TTR: variants seen among roughly 807,000 people sequenced by gnomAD.
TTR encodes the protein transthyretin, also known as epididymis luminal protein 111.
TTR carries 8 observed loss-of-function variants against 13.7 expected under a neutral mutation model. The observed-to-expected ratio is 0.58, with a 90% CI of 0.34 to 1.05. The LOEUF (loss-of-function observed/expected upper bound fraction) is 1.05. TTR is among the 50% of genes least tolerant of loss of function. TTR has a pLI of 0.02. For missense variants in TTR, 135 were observed against 185.5 expected, an observed-to-expected ratio of 0.73 and a Z score of 1.58; for synonymous variants, 75 against 71.7, an observed-to-expected ratio of 1.05 and a Z score of -0.23.
Position 31,595,398 on chromosome 18 carries a change from A to C in TTR, c.336+143A>C, listed in dbSNP as rs781638553. ...CCAAAGGTTCCCTTTCCTATTATACAAGAAAAAATTCACAACACTCTGAGA... is the reference window on the plus strand; with the variant it reads ...CCAAAGGTTCCCTTTCCTATTATACCAGAAAAAATTCACAACACTCTGAGA... On this transcript the variant is annotated intron_variant, in intron 3 of 3. Coordinates refer to ENST00000237014, the MANE Select transcript of TTR (RefSeq NM_000371.4). The C allele has an allele frequency of 1.2e-5, 15 of 1,202,958 alleles. No individual in the cohort carries two copies. In the South Asian group the frequency reaches 1.8e-4, roughly 15 times the overall value. 74.5% of individuals were successfully genotyped at this position (1,202,958 alleles called of 1,614,324 possible).
At chr18:31,594,725 A>G (rs1598844894) in intron 2 of TTR, among the ~76,000 whole-genome samples, 1 of 152,122 alleles carries the variant, frequency 6.6e-6, no homozygotes, top group Non-Finnish European at 1.5e-5. Context: ...TTAGCCAGGC[A>G]TGGTGGCAGG....
chr18:31,595,943 A>T (rs1236297832), intron 3 of TTR: 1 of 166,418 alleles, frequency 6.0e-6, no homozygotes, highest in Non-Finnish European at 1.3e-5. Context: ...AATGTTTACA[A>T]TTAAGGCCCA....
At chr18:31,592,455 A>G (rs945580706) in intron 1 of TTR, among the ~76,000 whole-genome samples, 1 of 152,224 alleles carries the variant, frequency 6.6e-6, no homozygotes, top group African/African-American at 2.4e-5. Context: ...AACTAATACT[A>G]TAAAATGGGT....
intron 3 of TTR, 98 bp downstream of exon 3, chr18:31,595,353 C>T: frequency 3.9e-6 from 6 of 1,532,864 alleles, no homozygotes; most frequent in Non-Finnish European, 5.4e-6. Context: ...CAGAAATGTC[C>T]TAAGGAAGGT....
intron 1 of TTR, among the ~76,000 whole-genome samples, 187 bp from the exon 2 acceptor site, chr18:31,592,709 T>G (rs2144406240): frequency 6.6e-6 from 1 of 152,344 alleles, no homozygotes; most frequent in Middle Eastern, 3.4e-3. Flanking sequence ...AAACCATTCT[T>G]GCTTTGGAAA....
intron 3 of TTR, among the ~76,000 whole-genome samples, chr18:31,597,753 C>T (rs2073523965): frequency 6.6e-6 from 1 of 152,226 alleles, no homozygotes; most frequent in South Asian, 2.1e-4. Context: ...ACTCTGAGAA[C>T]CAAGGCTGTC....
chr18:31,598,695 A>G lies in TTR; in HGVS notation c.*20A>G. 4.4e-6 allele frequency: 7 copies of G among 1,608,588 alleles called. No homozygotes were observed. Among genetic ancestry groups the G allele is most frequent in the Non-Finnish European group, 6.0e-6 (7 of 1,174,936 alleles). On this transcript the variant is annotated 3_prime_UTR_variant, in exon 4 of 4. Coordinates refer to ENST00000237014, the MANE Select transcript of TTR (RefSeq NM_000371.4). ...GAATGAGGGACTTCTCCTCCAGTGG[A>G]CCTGAAGGACGAGGGATGGGATTTC...
chr18:31,595,351 TC>T, intron 3 of TTR, 96 bp downstream of exon 3: 1 of 1,547,344 alleles, frequency 6.5e-7, no homozygotes, highest in Non-Finnish European at 8.9e-7. Context: ...CACAGAAATG[TC>T]CTAAGGAAGG....
chr18:31,598,614 C>T lies in TTR; in HGVS notation c.383C>T (p.Ala128Val), dbSNP rs1162409162. ...NDSGPRRYTI[A>V]ALLSPYSYST... ...TCCGGCCCCCGCCGCTACACCATTG[C>T]CGCCCTGCTGAGCCCCTACTCCTAT... Residue 128 changes from alanine (A) to valine (V), a missense_variant, in exon 4 of 4, where the codon GCC becomes GTC. Transcript: ENST00000237014. The T allele has an allele frequency of 6.2e-7, 1 of 1,614,098 alleles. No homozygotes were observed. The highest frequency in any genetic ancestry group is 1.7e-5 in the Admixed American group (1 of 60,008).
intron 3 of TTR, chr18:31,598,170 T>C (rs1011368142): frequency 2.9e-6 from 1 of 339,016 alleles, no homozygotes; most frequent in South Asian, 2.5e-5. Flanking sequence ...GAATGCTAAA[T>C]CTCTAAGTCT....
At chr18:31,598,443 GT>G in intron 3 of TTR, 124 bp from the exon 4 acceptor site, 1 of 975,794 alleles carries the variant, frequency 1.0e-6, no homozygotes, top group Non-Finnish European at 1.6e-6. Flanking sequence ...TGTTCAAACT[GT>G]TCCAAAATAT....
chr18:31,597,232 A>T (rs1408225035), intron 3 of TTR: 1 of 152,128 alleles, frequency 6.6e-6, no homozygotes, highest in Non-Finnish European at 1.5e-5. Context: ...TTTTGTAAAG[A>T]CAGGTTTTCA....
In TTR at chr18:31,598,750, A is replaced by C. The variant is rs1053907197; in HGVS notation, c.*75A>C. 8 of 1,498,636 alleles carry C rather than the reference A, an allele frequency of 5.3e-6. No homozygotes were observed. The Admixed American group carries it at 8.6e-5, about 16-fold the overall frequency. 92.8% of individuals were successfully genotyped at this position (1,498,636 alleles called of 1,614,324 possible). ...AACCAAGAGTATTCCATTTTTACTA[A>C]AGCAGTGTTTTCACCTCATATGCTA... is the stretch of plus-strand genomic sequence containing the variant. On this transcript the variant is annotated 3_prime_UTR_variant, in exon 4 of 4. Transcript: ENST00000237014.
chr18:31,595,994 C>T lies in TTR; in HGVS notation c.336+739C>T. On this transcript the variant is annotated intron_variant, in intron 3 of 3. Coordinates refer to ENST00000237014, the MANE Select transcript of TTR (RefSeq NM_000371.4). ...CAGTTCTGCTATGCCTCGCATTATG[C>T]CCCAGGAAACTTTTTCCCTTGTGAA... 2.6e-5 allele frequency: 4 copies of T among 156,786 alleles called. No individual in the cohort carries two copies. In the Middle Eastern group the frequency reaches 2.1e-3, roughly 81 times the overall value. The allele number at this position is 156,786 out of a possible 1,614,324, so 9.7% of individuals were successfully genotyped here.
chr18:31,598,421 G>A, intron 3 of TTR, 147 bp from the exon 4 acceptor site: 1 of 811,826 alleles, frequency 1.2e-6, no homozygotes, highest in Admixed American at 2.0e-5. Context: ...GCATATTTGA[G>A]CTTTTTCCTT....
rs1381337412 is a variant in TTR at position 31,592,978 on chromosome 18, A to C, written c.152A>C (p.His51Pro). 1 of 1,613,968 alleles carries C rather than the reference A, an allele frequency of 6.2e-7. No homozygotes were observed. The highest frequency in any genetic ancestry group is 1.3e-5 in the African/African-American group (1 of 74,894). Residue 51 changes from histidine to proline, a missense_variant, in exon 2 of 4, where the codon CAT becomes CCT. Physicochemically the swap from His to Pro is moderately conservative, Grantham distance 77. Transcript: ENST00000237014. ...RGSPAINVAV[H>P]VFRKAADDTW... Reference sequence around the variant, plus strand: ...AGTCCTGCCATCAATGTGGCCGTGCATGTGTTCAGAAAGGCTGCTGATGAC... The same window carrying C: ...AGTCCTGCCATCAATGTGGCCGTGCCTGTGTTCAGAAAGGCTGCTGATGAC...
At position 31,592,910 on chromosome 18, in the gene TTR, CAA is replaced by C; in HGVS notation, c.85_86del (p.Lys29ValfsTer29). On this transcript the variant is annotated frameshift_variant, in exon 2 of 4. Coordinates refer to ENST00000237014, the MANE Select transcript of TTR (RefSeq NM_000371.4). LOFTEE classifies it high-confidence loss of function. ...EAGPTGTGES[K>X]CPLMVKVLDA... ...TCTACACCCAGGGCACCGGTGAATCCAAGTGTCCTCTGATGGTCAAAGTTCTA... is the reference window on the plus strand; with the variant it reads ...TCTACACCCAGGGCACCGGTGAATCCGTGTCCTCTGATGGTCAAAGTTCTA... The C allele has an allele frequency of 1.2e-6, 2 of 1,614,004 alleles. No individual in the cohort carries two copies. Among genetic ancestry groups the C allele is most frequent in the Non-Finnish European group, 1.7e-6 (2 of 1,179,930 alleles).
chr18:31,592,556 C>T (rs1288917666), intron 1 of TTR, among the ~76,000 whole-genome samples: 1 of 152,116 alleles, frequency 6.6e-6, no homozygotes, highest in African/African-American at 2.4e-5. Flanking sequence ...ACCTGTTTGG[C>T]CCTATGTATG....
At position 31,592,511 on chromosome 18, in the gene TTR, G is replaced by A. The variant is rs553424728; in HGVS notation, c.70-385G>A. 3.5e-4 allele frequency among the ~76,000 whole-genome samples: 53 copies of A among 152,332 alleles called. 2 individuals are homozygous for A. In the South Asian group the frequency reaches 0.01, roughly 30 times the overall value. On this transcript the variant is annotated intron_variant, in intron 1 of 3. Transcript: ENST00000237014. ...ATTTTATAACAACTGGTAAGAGGGA[G>A]TGACTATAGCAACAACTAAAATGAT...
Sources: gnomAD v4.1 joint callset for allele counts (sites outside exome capture counted in the v4.1 genomes callset) on GRCh38, gnomAD v4.1.1 for gene constraint, MANE v1.5 for transcripts, NCBI Gene and HGNC (gene_info 2026-07-23, HGNC 2026-07-21) for gene names.